The following CENPP variants were observed in gnomAD, a reference collection of about 807,000 sequenced individuals.
CENPP encodes centromere protein P.
In CENPP, 24 loss-of-function variants were observed where a neutral mutation model predicts 35.6. The observed-to-expected ratio is 0.67, with a 90% CI of 0.49 to 0.95. CENPP has a LOEUF of 0.95. Ranked by LOEUF, CENPP falls within the 40% of genes least tolerant of loss-of-function variation. The pLI is 0.00. For synonymous variants in CENPP, 120 were observed against 125.5 expected, an observed-to-expected ratio of 0.96 and a Z score of 0.29; for missense variants, 332 against 345.3, an observed-to-expected ratio of 0.96 and a Z score of 0.31.
At chr9:92,537,165 C>G (rs561601470) in intron 5 of CENPP, among the ~76,000 whole-genome samples, 20 of 151,824 alleles carry the variant, frequency 1.3e-4, no homozygotes, top group Non-Finnish European at 2.2e-4. Flanking sequence ...CATGAGCCAC[C>G]GCACCTGGCC....
At chr9:92,522,620 AG>A (rs1336553042) in intron 5 of CENPP, 1 of 1,613,710 alleles carries the variant, frequency 6.2e-7, no homozygotes, top group Non-Finnish European at 8.5e-7. Context: ...AAACTTGAAA[AG>A]GATTCAAACT....
intron 5 of CENPP, among the ~76,000 whole-genome samples, chr9:92,539,836 T>C (rs1849276563): frequency 6.6e-6 from 1 of 152,218 alleles, no homozygotes; most frequent in Non-Finnish European, 1.5e-5. Flanking sequence ...CCACAACTCA[T>C]TCAACCATTC....
chr9:92,603,940 C>T (rs1850999355), intron 5 of CENPP, among the ~76,000 whole-genome samples: 1 of 152,200 alleles, frequency 6.6e-6, no homozygotes, highest in African/African-American at 2.4e-5. Context: ...CCCTTCTCCC[C>T]ACCACCAGCA....
At chr9:92,560,794 T>C (rs1198414272) in intron 5 of CENPP, among the ~76,000 whole-genome samples, 1 of 152,162 alleles carries the variant, frequency 6.6e-6, no homozygotes, top group Admixed American at 6.6e-5. Context: ...TCCGCATTTA[T>C]GGCTCTCAGA....
At chr9:92,387,520 A>G (rs1037801171) in intron 5 of CENPP, among the ~76,000 whole-genome samples, 3 of 152,152 alleles carry the variant, frequency 2.0e-5, no homozygotes, top group East Asian at 1.9e-4. Context: ...GTATAATTGT[A>G]ATTTCCCCTG....
chr9:92,328,855 A>G (rs1358091989), intron 1 of CENPP, among the ~76,000 whole-genome samples: 2 of 152,262 alleles, frequency 1.3e-5, no homozygotes, highest in Non-Finnish European at 2.9e-5. Flanking sequence ...TTGTGGCAAA[A>G]TATACATAAG....
chr9:92,354,368 C>T (rs537944470), intron 4 of CENPP, among the ~76,000 whole-genome samples: 7 of 152,174 alleles, frequency 4.6e-5, no homozygotes, highest in Admixed American at 3.9e-4. Context: ...CCTTGTCAGA[C>T]GTGGTGAGTG....
intron 5 of CENPP, chr9:92,404,695 G>T: frequency 8.1e-7 from 1 of 1,234,486 alleles, no homozygotes; most frequent in South Asian, 1.5e-5. Flanking sequence ...AGGGTGAAAT[G>T]CAGTGTGTTG....
intron 5 of CENPP, among the ~76,000 whole-genome samples, chr9:92,442,398 C>CAAAAAAAAAAAA (rs71362387): frequency 5.4e-5 from 4 of 74,464 alleles, no homozygotes; most frequent in East Asian, 5.5e-4. Context: ...AACTCTGTCT[C>CAAAAAAAAAAAA]AAAAAAAAAA....
At chr9:92,398,544 GT>G (rs1056643997) in intron 5 of CENPP, among the ~76,000 whole-genome samples, 2 of 146,188 alleles carry the variant, frequency 1.4e-5, no homozygotes, top group Non-Finnish European at 3.0e-5. Flanking sequence ...TTTGCACTTT[GT>G]TTTTTTTTTC....
In CENPP at chr9:92,620,365, G is replaced by GAGAA. The variant is rs1418219044; in HGVS notation, c.*7219_*7222dup. The stretch of plus-strand genomic sequence containing the variant: ...TGCACATGTGTGTGACGCGGGCAGG[G>GAGAA]AGAAAGGTGAAGGACAGGCACCACA... On this transcript the variant is annotated 3_prime_UTR_variant, in exon 8 of 8. Transcript: ENST00000375587. The GAGAA allele has an allele frequency of 6.6e-6, 1 of 152,344 alleles. No individual in the cohort carries two copies. Among genetic ancestry groups the GAGAA allele is most frequent in the African/African-American group, 2.4e-5 (1 of 41,458 alleles). The allele number at this position is 152,344 out of a possible 1,614,324, so 9.4% of individuals were successfully genotyped here. A position where few individuals can be genotyped will look rare whatever the true frequency, so the allele number is the denominator to read the frequency against.
intron 5 of CENPP, among the ~76,000 whole-genome samples, chr9:92,610,319 G>A (rs1208103278): frequency 6.6e-6 from 1 of 152,170 alleles, no homozygotes; most frequent in Non-Finnish European, 1.5e-5. Flanking sequence ...CTCCTAAAGT[G>A]CTGGGATTAC....
intron 5 of CENPP, among the ~76,000 whole-genome samples, chr9:92,454,774 A>T (rs568845833): frequency 3.9e-5 from 6 of 152,290 alleles, no homozygotes; most frequent in Non-Finnish European, 8.8e-5. Flanking sequence ...GAGAGGTGGT[A>T]ACTTGCCCAA....
chr9:92,486,010 C>A (rs545797611), intron 5 of CENPP, among the ~76,000 whole-genome samples: 3 of 152,252 alleles, frequency 2.0e-5, no homozygotes, highest in African/African-American at 7.2e-5. Flanking sequence ...GTACAATGTT[C>A]TTTTATAGTA....
chr9:92,602,616 G>A (rs1472844068), intron 5 of CENPP, among the ~76,000 whole-genome samples: 1 of 152,162 alleles, frequency 6.6e-6, no homozygotes, highest in African/African-American at 2.4e-5. Flanking sequence ...GACAGCTGGG[G>A]ACATCTGAAG....
At position 92,616,864 on chromosome 9, in the gene CENPP, G is replaced by C. The variant is rs533694239; in HGVS notation, c.*3715G>C. The stretch of plus-strand genomic sequence containing the variant: ...GTGACCTAAGCTCAGTTCAGTCCAA[G>C]AGAAGTATCCTGGGTTCTGGTGTCC... On this transcript the variant is annotated 3_prime_UTR_variant, in exon 8 of 8. Coordinates refer to ENST00000375587, the MANE Select transcript of CENPP (RefSeq NM_001012267.3). 6.6e-6 allele frequency: 1 copy of C among 152,358 alleles called. No homozygotes were observed. The highest frequency in any genetic ancestry group is 1.9e-4 in the East Asian group (1 of 5,180). 9.4% of individuals were successfully genotyped at this position (152,358 alleles called of 1,614,324 possible). A position where few individuals can be genotyped will look rare whatever the true frequency, so the allele number is the denominator to read the frequency against.
chr9:92,407,084 A>T (rs1385763284), intron 5 of CENPP, among the ~76,000 whole-genome samples: 1 of 152,110 alleles, frequency 6.6e-6, no homozygotes, highest in Non-Finnish European at 1.5e-5. Context: ...CAGACTTGAA[A>T]CTTCCATTGT....
intron 5 of CENPP, among the ~76,000 whole-genome samples, chr9:92,421,015 T>A (rs1843775846): frequency 6.6e-6 from 1 of 152,078 alleles, no homozygotes; most frequent in Non-Finnish European, 1.5e-5. Flanking sequence ...AGGAGCAAAA[T>A]AAGACTATTA....
chr9:92,533,317 AAAAAAAAAAAAATATATAT>A (rs1848939434), intron 5 of CENPP, among the ~76,000 whole-genome samples: 1 of 104,802 alleles, frequency 9.5e-6, no homozygotes, highest in African/African-American at 3.8e-5. Context: ...AAAAAAAAAA[AAAAAAAAAAAAATATATAT>A]ATATATATAT....
Sources: gnomAD v4.1 joint callset for allele counts (sites outside exome capture counted in the v4.1 genomes callset) on GRCh38, gnomAD v4.1.1 for gene constraint, MANE v1.5 for transcripts, NCBI Gene and HGNC (gene_info 2026-07-23, HGNC 2026-07-21) for gene names.